Variants in TMEM182 observed in about 807,000 individuals in gnomAD.
The protein encoded by TMEM182 is transmembrane protein 182.
A neutral mutation model predicts 26.8 loss-of-function variants in TMEM182; 20 were observed. That is an observed-to-expected ratio of 0.75 (90% CI 0.53 to 1.09). TMEM182 has a LOEUF of 1.09. TMEM182 is among the 50% of genes least tolerant of loss of function. The pLI, the probability that TMEM182 is intolerant of heterozygous loss-of-function variation, is 0.00. For synonymous variants in TMEM182, 109 were observed against 102.2 expected, an observed-to-expected ratio of 1.07 and a Z score of -0.40; for missense variants, 277 against 275.5, an observed-to-expected ratio of 1.01 and a Z score of -0.04.
At chr2:102,791,592 A>G (rs1252289340) in intron 3 of TMEM182, among the ~76,000 whole-genome samples, 1 of 152,234 alleles carries the variant, frequency 6.6e-6, no homozygotes, top group African/African-American at 2.4e-5. Flanking sequence ...TGAAAAATCA[A>G]CAGAACTTAC....
chr2:102,787,134 C>A (rs1272930981), intron 3 of TMEM182, among the ~76,000 whole-genome samples: 1 of 152,218 alleles, frequency 6.6e-6, no homozygotes, highest in African/African-American at 2.4e-5. Context: ...AAGTAACTCT[C>A]TCCGTGATGT....
chr2:102,825,157 G>A (rs1233279246), intron 3 of TMEM182, among the ~76,000 whole-genome samples: 1 of 152,162 alleles, frequency 6.6e-6, no homozygotes, highest in African/African-American at 2.4e-5. Context: ...GGTATCTAAG[G>A]TCTGTTATTG....
chr2:102,778,919 T>C (rs1305317494), intron 3 of TMEM182, among the ~76,000 whole-genome samples: 2 of 152,140 alleles, frequency 1.3e-5, no homozygotes, highest in East Asian at 3.8e-4. Flanking sequence ...TTACCCATAT[T>C]TTTACTCTTT....
At chr2:102,758,406 A>T (rs565997749), upstream of TMEM182, 1 of 713,010 alleles carries the variant, frequency 1.4e-6, no homozygotes, top group East Asian at 2.7e-5. Flanking sequence ...GGAAAACTAG[A>T]AGAGTTTCAA....
intron 3 of TMEM182, among the ~76,000 whole-genome samples, chr2:102,791,755 A>G (rs1681649696): frequency 6.6e-6 from 1 of 152,204 alleles, no homozygotes; most frequent in South Asian, 2.1e-4. Flanking sequence ...ATAGAAGTTC[A>G]ATATTATTTA....
rs774618773 is a variant in TMEM182, at chr2:102,817,598, T to G, written c.*2630T>G. The G allele has an allele frequency of 5.2e-5, 51 of 983,548 alleles. No individual in the cohort carries two copies. Among genetic ancestry groups the G allele is most frequent in the Non-Finnish European group, 6.2e-5 (51 of 828,328 alleles). 60.9% of individuals were successfully genotyped at this position (983,548 alleles called of 1,614,324 possible). A position where few individuals can be genotyped will look rare whatever the true frequency, so the allele number is the denominator to read the frequency against. On this transcript the variant is annotated 3_prime_UTR_variant, in exon 5 of 5. Coordinates refer to ENST00000412401, the MANE Select transcript of TMEM182 (RefSeq NM_144632.5). ...ATCAAGTGTGTTGTTAGTATTCATT[T>G]AGTCATTTTTATTACTAATCTATAA...
downstream of TMEM182, among the ~76,000 whole-genome samples, chr2:102,820,799 A>G (rs1049990512): frequency 6.6e-6 from 1 of 152,218 alleles, no homozygotes; most frequent in African/African-American, 2.4e-5. Flanking sequence ...GCCTCATTAT[A>G]GTATATTTTG....
chr2:102,829,985 G>T (rs964617160), intron 3 of TMEM182, among the ~76,000 whole-genome samples: 1 of 152,210 alleles, frequency 6.6e-6, no homozygotes, highest in East Asian at 1.9e-4. Flanking sequence ...AGTGAGAGTT[G>T]AAGGGTAAAG....
At chr2:102,787,265 C>G (rs1279076697) in intron 3 of TMEM182, among the ~76,000 whole-genome samples, 1 of 152,230 alleles carries the variant, frequency 6.6e-6, no homozygotes, top group Admixed American at 6.5e-5. Flanking sequence ...TTTCTCATCA[C>G]TCTGAAGGTG....
upstream of TMEM182, chr2:102,757,465 G>A (rs969450688): frequency 2.6e-5 from 4 of 152,062 alleles, no homozygotes; most frequent in Admixed American, 1.3e-4. Context: ...TGAAATTCCT[G>A]CCCAGGAGAG....
chr2:102,823,459 G>A (rs1647282683), intron 3 of TMEM182, among the ~76,000 whole-genome samples: 1 of 152,084 alleles, frequency 6.6e-6, no homozygotes, highest in African/African-American at 2.4e-5. Context: ...CAGCTCCCAA[G>A]TAGCTGGGAT....
In TMEM182 at chr2:102,816,614, C is replaced by A; in HGVS notation, c.*1646C>A. ...ATATCATTGAAACGTTTTTGTGGTA[C>A]TTCCCTTTGTCTTTCACTGTTTCAT... On this transcript the variant is annotated 3_prime_UTR_variant, in exon 5 of 5. Transcript: ENST00000412401. 2 of 985,264 alleles carry A rather than the reference C, an allele frequency of 2.0e-6. No homozygotes were observed. Among genetic ancestry groups the A allele is most frequent in the Non-Finnish European group, 2.4e-6 (2 of 829,836 alleles). The allele number at this position is 985,264 out of a possible 1,614,324, so 61.0% of individuals were successfully genotyped here. A position where few individuals can be genotyped will look rare whatever the true frequency, so the allele number is the denominator to read the frequency against.
At chr2:102,737,982 G>A (rs1679410993) in intron 1 of TMEM182, among the ~76,000 whole-genome samples, 1 of 152,220 alleles carries the variant, frequency 6.6e-6, no homozygotes, top group Non-Finnish European at 1.5e-5. Flanking sequence ...TGAATAGGGA[G>A]AAGTGGAATA....
intron 3 of TMEM182, among the ~76,000 whole-genome samples, chr2:102,840,564 T>G (rs1683330279): frequency 1.3e-5 from 2 of 152,082 alleles, no homozygotes. Context: ...TGAGTTAGCA[T>G]CAGGCTCATA....
intron 3 of TMEM182, among the ~76,000 whole-genome samples, chr2:102,831,552 T>C (rs1041587904): frequency 4.6e-5 from 7 of 150,542 alleles, no homozygotes; most frequent in Admixed American, 1.3e-4. Flanking sequence ...AGGTTAGGAG[T>C]TTAAGACAAG....
intron 3 of TMEM182, among the ~76,000 whole-genome samples, chr2:102,838,728 G>C (rs1333989414): frequency 6.6e-6 from 1 of 152,114 alleles, no homozygotes; most frequent in Non-Finnish European, 1.5e-5. Flanking sequence ...GGGGTTCTGT[G>C]GGGTAATTGG....
chr2:102,766,508 C>T lies in TMEM182; in HGVS notation c.331+2081C>T, dbSNP rs183450577. 8.8e-4 allele frequency among the ~76,000 whole-genome samples: 134 copies of T among 152,290 alleles called. 1 individual carries two copies. The highest frequency in any genetic ancestry group is 3.4e-3 in the Middle Eastern group (1 of 294). ...TGTGTTCTACAACAGAAATACTATA[C>T]ACAAGTTTCACTCATCTCCATAATA... On this transcript the variant is annotated intron_variant, in intron 3 of 4. Coordinates refer to ENST00000412401, the MANE Select transcript of TMEM182 (RefSeq NM_144632.5).
intron 3 of TMEM182, among the ~76,000 whole-genome samples, chr2:102,773,750 T>C (rs1680781931): frequency 6.6e-6 from 1 of 152,046 alleles, no homozygotes; most frequent in Non-Finnish European, 1.5e-5. Flanking sequence ...AAGGGAGGAA[T>C]CAGAGAGTCC....
intron 3 of TMEM182, among the ~76,000 whole-genome samples, chr2:102,825,227 C>T (rs1307074251): frequency 6.6e-6 from 1 of 152,146 alleles, no homozygotes; most frequent in Non-Finnish European, 1.5e-5. Context: ...TTTAATTTTC[C>T]AAGCTGTTTT....
Sources: gnomAD v4.1 joint callset for allele counts (sites outside exome capture counted in the v4.1 genomes callset) on GRCh38, gnomAD v4.1.1 for gene constraint, MANE v1.5 for transcripts, NCBI Gene and HGNC (gene_info 2026-07-23, HGNC 2026-07-21) for gene names.